The following UNC5D variants were observed in gnomAD, a reference collection of about 807,000 sequenced individuals.
UNC5D encodes netrin receptor UNC5D.
UNC5D carries 39 observed loss-of-function variants against 105.4 expected under a neutral mutation model. The observed-to-expected ratio is 0.37, with a 90% CI of 0.29 to 0.48. The LOEUF (loss-of-function observed/expected upper bound fraction) is 0.48. Ranked by LOEUF, UNC5D falls within the 20% of genes least tolerant of loss-of-function variation. UNC5D has a pLI of 0.98. For missense variants in UNC5D, 991 were observed against 1,202.4 expected (o/e 0.82, Z 2.60); for synonymous variants, 452 against 450.4 (o/e 1.00, Z -0.04).
chr8:35,783,544 T>C, intron 16 of UNC5D, among the ~76,000 whole-genome samples: 1 of 152,282 alleles, frequency 6.6e-6, no homozygotes, highest in South Asian at 2.1e-4. Flanking sequence ...GGACTCCAGC[T>C]GGAAGTGCAA....
intron 1 of UNC5D, among the ~76,000 whole-genome samples, chr8:35,542,471 C>A (rs1233148743): frequency 6.6e-6 from 1 of 152,216 alleles, no homozygotes; most frequent in Non-Finnish European, 1.5e-5. Context: ...AGGAGCATTA[C>A]TCTATTTACA....
At chr8:35,519,809 T>C (rs1445162380) in intron 1 of UNC5D, among the ~76,000 whole-genome samples, 2 of 151,364 alleles carry the variant, frequency 1.3e-5, no homozygotes, top group Non-Finnish European at 3.0e-5. Flanking sequence ...CTAAGAAACA[T>C]GGAAAAAAAA....
intron 1 of UNC5D, among the ~76,000 whole-genome samples, chr8:35,242,175 A>G (rs1439037103): frequency 6.6e-6 from 1 of 152,168 alleles, no homozygotes; most frequent in Non-Finnish European, 1.5e-5. Context: ...ATTTAAGGGT[A>G]TTTTTCCACA....
rs533928744 is a variant in UNC5D at position 35,567,147 on chromosome 8, C to T, written c.323-951C>T. Among the ~76,000 whole-genome samples the T allele has an allele frequency of 1.4e-4, 21 of 152,162 alleles. No individual in the cohort carries two copies. In the South Asian group the frequency reaches 3.1e-3, roughly 23 times the overall value. On this transcript the variant is annotated intron_variant, in intron 2 of 16. Coordinates refer to ENST00000404895, the MANE Select transcript of UNC5D (RefSeq NM_080872.4). ...CTCAGTTCACTGCTGTGCCCTTAGCCACTCTTTCTATAAAAACCCCCCTTT... is the reference window on the plus strand; with the variant it reads ...CTCAGTTCACTGCTGTGCCCTTAGCTACTCTTTCTATAAAAACCCCCCTTT...
chr8:35,422,727 C>G (rs549036271), intron 1 of UNC5D, among the ~76,000 whole-genome samples: 2 of 152,260 alleles, frequency 1.3e-5, no homozygotes, highest in Admixed American at 1.3e-4. Context: ...TATTGAATAC[C>G]TACTATGTGC....
chr8:35,737,300 G>GTGTT (rs57002738), intron 11 of UNC5D, among the ~76,000 whole-genome samples: 3,344 of 130,116 alleles, frequency 0.026, 152 homozygotes, highest in African/African-American at 0.095. Context: ...GTGTGTGTGT[G>GTGTT]TTAATGTGTG....
intron 1 of UNC5D, among the ~76,000 whole-genome samples, chr8:35,257,741 C>T (rs1370496592): frequency 6.6e-6 from 1 of 152,186 alleles, no homozygotes; most frequent in Non-Finnish European, 1.5e-5. Context: ...GTCAGTATTA[C>T]CGCAGGAGAA....
At chr8:35,456,254 G>A (rs1808487932) in intron 1 of UNC5D, among the ~76,000 whole-genome samples, 1 of 152,132 alleles carries the variant, frequency 6.6e-6, no homozygotes, top group Non-Finnish European at 1.5e-5. Flanking sequence ...CTTTTGGCTA[G>A]TGGTTGTCAA....
chr8:35,495,609 G>A (rs1454090082), intron 1 of UNC5D, among the ~76,000 whole-genome samples: 1 of 152,020 alleles, frequency 6.6e-6, no homozygotes, highest in Non-Finnish European at 1.5e-5. Context: ...ATTTCTGCCT[G>A]ACTTATAGGA....
At chr8:35,553,799 C>T (rs532176212) in intron 2 of UNC5D, among the ~76,000 whole-genome samples, 1 of 152,150 alleles carries the variant, frequency 6.6e-6, no homozygotes, top group Non-Finnish European at 1.5e-5. Context: ...TTCTCCAAGG[C>T]AGAGCTGGGA....
chr8:35,318,764 T>G (rs757946322), intron 1 of UNC5D, among the ~76,000 whole-genome samples: 6 of 152,228 alleles, frequency 3.9e-5, no homozygotes, highest in Middle Eastern at 3.4e-3. Flanking sequence ...ACTAAGGCTG[T>G]GTTTCACTGA....
chr8:35,677,261 C>T lies in UNC5D; in HGVS notation c.571-6286C>T, dbSNP rs1825304179. Reference sequence around the variant, plus strand: ...TGCACTATCATTTTTTAAAAATACCCATGCCTCTGTCTAAAAAGACAGAAA... The same window carrying T: ...TGCACTATCATTTTTTAAAAATACCTATGCCTCTGTCTAAAAAGACAGAAA... On this transcript the variant is annotated intron_variant, in intron 4 of 16. Coordinates refer to ENST00000404895, the MANE Select transcript of UNC5D (RefSeq NM_080872.4). Among the ~76,000 whole-genome samples the T allele has an allele frequency of 4.6e-5, 7 of 152,128 alleles. No individual in the cohort carries two copies. The South Asian group carries it at 1.5e-3, about 32-fold the overall frequency.
chr8:35,724,338 C>A, intron 9 of UNC5D: 1 of 1,527,008 alleles, frequency 6.5e-7, no homozygotes, highest in Admixed American at 2.0e-5. Flanking sequence ...CTGCCTCATG[C>A]TGATATCATG....
At chr8:35,382,370 T>C (rs950576988) in intron 1 of UNC5D, among the ~76,000 whole-genome samples, 4 of 152,200 alleles carry the variant, frequency 2.6e-5, no homozygotes, top group African/African-American at 9.6e-5. Flanking sequence ...GAAAAGAACA[T>C]TGGAGAGACT....
chr8:35,277,192 T>C (rs989224944), intron 1 of UNC5D, among the ~76,000 whole-genome samples: 7 of 152,210 alleles, frequency 4.6e-5, no homozygotes, highest in Admixed American at 2.6e-4. Context: ...CATCTCATTA[T>C]TGGGACATGA....
intron 4 of UNC5D, among the ~76,000 whole-genome samples, chr8:35,630,241 C>G (rs1821953455): frequency 6.6e-6 from 1 of 152,202 alleles, no homozygotes; most frequent in Admixed American, 6.5e-5. Flanking sequence ...TATATTTCAG[C>G]AACTTGGGCC....
At chr8:35,550,711 A>G (rs912879531) in intron 2 of UNC5D, among the ~76,000 whole-genome samples, 3 of 152,178 alleles carry the variant, frequency 2.0e-5, no homozygotes, top group African/African-American at 7.2e-5. Flanking sequence ...AAAGAAGAAT[A>G]TGATTATACA....
At chr8:35,489,815 T>C (rs921283307) in intron 1 of UNC5D, among the ~76,000 whole-genome samples, 2 of 152,238 alleles carry the variant, frequency 1.3e-5, no homozygotes, top group Non-Finnish European at 2.9e-5. Context: ...CGTTTAAACA[T>C]TATAGCCTAG....
chr8:35,750,869 A>G lies in UNC5D; in HGVS notation c.2163+60A>G, dbSNP rs893565684. ...CATGAAAGTGTGTGTTTTCCAAAAGATCAGTATCAATTGAAAATTTTATTA... is the reference window on the plus strand; with the variant it reads ...CATGAAAGTGTGTGTTTTCCAAAAGGTCAGTATCAATTGAAAATTTTATTA... On this transcript the variant is annotated intron_variant, in intron 13 of 16. Coordinates refer to ENST00000404895, the MANE Select transcript of UNC5D (RefSeq NM_080872.4). 2.5e-6 allele frequency: 4 copies of G among 1,594,808 alleles called. No individual in the cohort carries two copies. In the African/African-American group the frequency reaches 5.4e-5, roughly 21 times the overall value.
Sources: gnomAD v4.1 joint callset for allele counts (sites outside exome capture counted in the v4.1 genomes callset) on GRCh38, gnomAD v4.1.1 for gene constraint, MANE v1.5 for transcripts, NCBI Gene and HGNC (gene_info 2026-07-23, HGNC 2026-07-21) for gene names.